The following PTPRZ1 variants were observed in gnomAD, a reference collection of about 807,000 sequenced individuals.
PTPRZ1 encodes the protein receptor-type tyrosine-protein phosphatase zeta.
In PTPRZ1, 82 loss-of-function variants were observed where a neutral mutation model predicts 214.1. The ratio of observed to expected loss-of-function variants is 0.38; its 90% CI spans 0.32 to 0.46. The LOEUF is 0.46. PTPRZ1 is among the 20% of genes least tolerant of loss of function. PTPRZ1 has a pLI of 1.00. For synonymous variants in PTPRZ1, 945 were observed against 987.9 expected (o/e 0.96, Z 0.81); for missense variants, 2,603 against 2,748.7 (o/e 0.95, Z 1.19).
Position 122,061,152 on chromosome 7 carries a change from T to A in PTPRZ1, c.6880T>A (p.Ser2294Thr). The stretch of plus-strand genomic sequence containing the variant: ...AAGGCAGGAAGAGAATCCATCCACC[T>A]CTCTGGACAGTAATGGTGCAGCATT... ...STRQEENPST[S>T]LDSNGAALPD... The change falls in exon 30 of 30, where the codon TCT becomes ACT. Residue 2294 changes from serine to threonine, a missense_variant. Physicochemically the swap from Ser to Thr is moderately conservative, Grantham distance 58. Around this residue, in one of 6 missense-constraint regions of PTPRZ1, gnomAD observed 165 missense variants for 151.4 expected, o/e 1.09. Transcript: ENST00000393386. 6.2e-7 allele frequency: 1 copy of A among 1,609,898 alleles called. No individual in the cohort carries two copies. The highest frequency in any genetic ancestry group is 8.5e-7 in the Non-Finnish European group (1 of 1,177,268).
chr7:121,896,708 G>A (rs1794794186), intron 1 of PTPRZ1, among the ~76,000 whole-genome samples: 1 of 151,898 alleles, frequency 6.6e-6, no homozygotes, highest in African/African-American at 2.4e-5. Context: ...AGGAGGCGGA[G>A]CTTGCAATGA....
intron 1 of PTPRZ1, among the ~76,000 whole-genome samples, chr7:121,916,880 A>T (rs1424252494): frequency 6.6e-6 from 1 of 152,214 alleles, no homozygotes; most frequent in Non-Finnish European, 1.5e-5. Flanking sequence ...GATTCACAGA[A>T]TGGGCATTGT....
intron 10 of PTPRZ1, among the ~76,000 whole-genome samples, chr7:122,000,668 T>G (rs1185293877): frequency 1.2e-5 from 1 of 83,844 alleles, no homozygotes; most frequent in Non-Finnish European, 2.4e-5. Context: ...TATATATATA[T>G]ATATATATAT....
At chr7:122,024,514 C>T (rs1307023155) in intron 13 of PTPRZ1, among the ~76,000 whole-genome samples, 1 of 152,056 alleles carries the variant, frequency 6.6e-6, no homozygotes, top group Non-Finnish European at 1.5e-5. Flanking sequence ...TGTAGTGTCA[C>T]TTGCTATATA....
intron 1 of PTPRZ1, among the ~76,000 whole-genome samples, chr7:121,892,418 G>C (rs892347728): frequency 6.6e-6 from 1 of 151,926 alleles, no homozygotes; most frequent in South Asian, 2.1e-4. Flanking sequence ...AGGTGGGGTG[G>C]TGGGATAGGA....
chr7:121,984,172 G>A, intron 8 of PTPRZ1, 55 bp downstream of exon 8: 12 of 1,456,950 alleles, frequency 8.2e-6, no homozygotes, highest in Non-Finnish European at 9.3e-6. Flanking sequence ...GTTATAGGAG[G>A]TAATTTTGGT....
intron 1 of PTPRZ1, among the ~76,000 whole-genome samples, chr7:121,886,350 G>A (rs895951588): frequency 5.9e-5 from 9 of 151,928 alleles, no homozygotes; most frequent in Admixed American, 3.9e-4. Flanking sequence ...CAGTAATAAA[G>A]AATGGAAAGT....
At position 121,996,580 on chromosome 7, in the gene PTPRZ1, CA is replaced by C; in HGVS notation, c.1113+15del. On this transcript the variant is annotated intron_variant, in intron 9 of 29. Transcript: ENST00000393386. ...TATCAAGACTTGGTAACTATATGAT[CA>C]GTTGTTTTACATAGGGTAACATTAT... 1 of 1,588,338 alleles carries C rather than the reference CA, an allele frequency of 6.3e-7. No homozygotes were observed. The highest frequency in any genetic ancestry group is 8.6e-7 in the Non-Finnish European group (1 of 1,164,830).
At chr7:122,023,590 A>G (rs971067095) in intron 13 of PTPRZ1, among the ~76,000 whole-genome samples, 10 of 122,662 alleles carry the variant, frequency 8.2e-5, no homozygotes, top group Non-Finnish European at 1.3e-4. Context: ...AATTATATAT[A>G]TTATATGTAT....
chr7:121,976,608 A>G (rs1797442120), intron 5 of PTPRZ1, among the ~76,000 whole-genome samples, 177 bp from the exon 6 acceptor site: 1 of 152,168 alleles, frequency 6.6e-6, no homozygotes, highest in Admixed American at 6.5e-5. Flanking sequence ...GAAATATGTA[A>G]GTTACCTGGT....
At chr7:121,916,622 A>C (rs1192552727) in intron 1 of PTPRZ1, among the ~76,000 whole-genome samples, 1 of 152,220 alleles carries the variant, frequency 6.6e-6, no homozygotes, top group Non-Finnish European at 1.5e-5. Flanking sequence ...AATGCTTTTT[A>C]AATGTTGTTC....
At chr7:122,018,605 C>T (rs1198983204) in intron 12 of PTPRZ1, among the ~76,000 whole-genome samples, 3 of 151,414 alleles carry the variant, frequency 2.0e-5, no homozygotes, top group African/African-American at 4.9e-5. Context: ...AAATCGATTA[C>T]TGGATTGAAA....
At chr7:121,987,120 C>G (rs560724345) in intron 8 of PTPRZ1, among the ~76,000 whole-genome samples, 8 of 152,110 alleles carry the variant, frequency 5.3e-5, no homozygotes, top group Non-Finnish European at 4.4e-5. Context: ...TGTTTTGTAT[C>G]TTTATGGCCA....
intron 4 of PTPRZ1, among the ~76,000 whole-genome samples, chr7:121,973,063 G>T (rs1584698421): frequency 6.6e-6 from 1 of 152,250 alleles, no homozygotes; most frequent in East Asian, 1.9e-4. Context: ...AAATGAGTGT[G>T]TAGTGAAATG....
intron 2 of PTPRZ1, among the ~76,000 whole-genome samples, chr7:121,956,954 A>G (rs1014115801): frequency 2.6e-5 from 4 of 152,250 alleles, no homozygotes; most frequent in Non-Finnish European, 5.9e-5. Context: ...TCTTAACAAC[A>G]TAGCTTAAAA....
intron 8 of PTPRZ1, among the ~76,000 whole-genome samples, chr7:121,991,120 A>C (rs1797948562): frequency 1.3e-5 from 2 of 152,210 alleles, no homozygotes; most frequent in Non-Finnish European, 2.9e-5. Context: ...CCCAAGCTTC[A>C]GTTTCTTCAC....
chr7:122,029,219 T>C (rs1217228338), intron 14 of PTPRZ1, among the ~76,000 whole-genome samples: 2 of 151,788 alleles, frequency 1.3e-5, no homozygotes, highest in African/African-American at 2.4e-5. Context: ...TGTTGAACAG[T>C]TGAATATTTG....
intron 2 of PTPRZ1, among the ~76,000 whole-genome samples, chr7:121,935,827 C>G (rs1023926113): frequency 2.6e-5 from 4 of 152,134 alleles, no homozygotes; most frequent in African/African-American, 9.7e-5. Flanking sequence ...CTCAGCCTCC[C>G]CAAGTGCTGG....
chr7:121,908,764 C>T (rs950890540), intron 1 of PTPRZ1: 2 of 494,120 alleles, frequency 4.0e-6, no homozygotes, highest in South Asian at 1.5e-5. Context: ...TTACTAATGA[C>T]ACTTTATTAA....
Sources: allele counts gnomAD v4.1 joint callset (sites outside exome capture counted in the v4.1 genomes callset), GRCh38; gene constraint gnomAD v4.1.1; regional missense constraint gnomAD v4.1.1; transcripts MANE v1.5; gene names NCBI Gene and HGNC (gene_info 2026-07-23, HGNC 2026-07-21).